NRG1: variants seen among roughly 807,000 people sequenced by gnomAD.
The protein encoded by NRG1 is neuregulin 1.
A neutral mutation model predicts 63.8 loss-of-function variants in NRG1; 18 were observed. The observed-to-expected ratio is 0.28, with a 90% CI of 0.19 to 0.42. The LOEUF is 0.42. Among genes scored for constraint, NRG1 ranks in the 10% least tolerant of loss-of-function variants. The pLI, the probability that NRG1 is intolerant of heterozygous loss-of-function variation, is 1.00. For synonymous variants in NRG1, 302 were observed against 301.3 expected, an observed-to-expected ratio of 1.00 and a Z score of -0.02; for missense variants, 762 against 814.7, an observed-to-expected ratio of 0.94 and a Z score of 0.79.
At chr8:32,424,161 C>T (rs1355380070) in intron 1 of NRG1, among the ~76,000 whole-genome samples, 1 of 152,110 alleles carries the variant, frequency 6.6e-6, no homozygotes, top group East Asian at 1.9e-4. Flanking sequence ...TTGGGTTTCT[C>T]AGACTCTTCT....
intron 5 of NRG1, among the ~76,000 whole-genome samples, chr8:32,640,543 A>G (rs1209288423): frequency 3.3e-5 from 5 of 151,188 alleles, no homozygotes; most frequent in Admixed American, 1.3e-4. Context: ...CACAGATAAT[A>G]CAGGAAGACT....
chr8:32,500,423 C>G (rs891971326), intron 1 of NRG1, among the ~76,000 whole-genome samples: 6 of 152,142 alleles, frequency 3.9e-5, no homozygotes, highest in Admixed American at 3.9e-4. Context: ...AAACCAGATA[C>G]GAGTCTTACT....
At chr8:31,783,814 G>A (rs914982399) in intron 1 of NRG1, among the ~76,000 whole-genome samples, 21 of 152,086 alleles carry the variant, frequency 1.4e-4, no homozygotes, top group African/African-American at 4.8e-4. Context: ...AGAAGGCCTC[G>A]CATGGTATGG....
chr8:31,742,455 A>ATTTTTTTTTTTTTTTTTTTT lies in NRG1; in HGVS notation c.37+103031_37+103050dup, dbSNP rs36040084. Among the ~76,000 whole-genome samples the ATTTTTTTTTTTTTTTTTTTT allele has an allele frequency of 1.2e-3, 94 of 80,020 alleles. 5 individuals carry two copies. The highest frequency in any genetic ancestry group is 1.6e-3 in the Non-Finnish European group (68 of 43,022). The allele number at this position is 80,020 out of a possible 152,430, so 52.5% of individuals were successfully genotyped here. A position where few individuals can be genotyped will look rare whatever the true frequency, so the allele number is the denominator to read the frequency against. ...GCAACGACAGACAACTTTTTTAAGA[A>ATTTTTTTTTTTTTTTTTTTT]TTTTTTTTTTTTTTTTTTTTTTTTT... On this transcript the variant is annotated intron_variant, in intron 1 of 10. Transcript: ENST00000519301.
chr8:32,278,294 A>G (rs1424514274), intron 1 of NRG1, among the ~76,000 whole-genome samples: 1 of 152,218 alleles, frequency 6.6e-6, no homozygotes, highest in Non-Finnish European at 1.5e-5. Context: ...GCAACAGAAT[A>G]AGTAAGTGAA....
chr8:31,858,994 A>T (rs1828216643), intron 1 of NRG1, among the ~76,000 whole-genome samples: 2 of 152,184 alleles, frequency 1.3e-5, no homozygotes, highest in Non-Finnish European at 2.9e-5. Flanking sequence ...TCAAATCCTG[A>T]AGTATAGATT....
At chr8:32,485,589 G>A (rs960285619) in intron 1 of NRG1, among the ~76,000 whole-genome samples, 4 of 152,086 alleles carry the variant, frequency 2.6e-5, no homozygotes, top group Non-Finnish European at 4.4e-5. Flanking sequence ...CACTCAAGAA[G>A]GAAGGAAGGA....
chr8:32,360,022 C>T (rs1239222805), intron 1 of NRG1, among the ~76,000 whole-genome samples: 7 of 152,184 alleles, frequency 4.6e-5, no homozygotes, highest in Non-Finnish European at 2.9e-5. Context: ...GTAAGGTAAC[C>T]AGGAGACTAA....
chr8:31,855,981 T>C (rs367858093), intron 1 of NRG1, among the ~76,000 whole-genome samples: 25,451 of 145,254 alleles, frequency 0.18, 2,227 homozygotes, highest in Non-Finnish European at 0.19. Context: ...CCGAGAGATC[T>C]GCTGTTAGTC....
At chr8:32,723,687 TCA>T (rs1564031081) in intron 5 of NRG1, among the ~76,000 whole-genome samples, 1 of 40,650 alleles carries the variant, frequency 2.5e-5, no homozygotes, top group Non-Finnish European at 4.0e-5. Flanking sequence ...AGACTCCATC[TCA>T]AAAAAAAAAA....
At chr8:31,791,368 A>G (rs1820693710) in intron 1 of NRG1, among the ~76,000 whole-genome samples, 1 of 152,150 alleles carries the variant, frequency 6.6e-6, no homozygotes, top group Non-Finnish European at 1.5e-5. Context: ...ATTAATAAAT[A>G]ATTATCACTA....
chr8:32,585,625 A>G (rs1399973034), intron 1 of NRG1, among the ~76,000 whole-genome samples: 1 of 152,222 alleles, frequency 6.6e-6, no homozygotes, highest in African/African-American at 2.4e-5. Flanking sequence ...GGCATTTGGC[A>G]TATGACAGAT....
At chr8:31,791,284 C>G (rs910723032) in intron 1 of NRG1, among the ~76,000 whole-genome samples, 1 of 151,654 alleles carries the variant, frequency 6.6e-6, no homozygotes, top group African/African-American at 2.4e-5. Context: ...CAACTCAGAT[C>G]AGTTGATAGT....
intron 1 of NRG1, among the ~76,000 whole-genome samples, chr8:31,643,020 G>A (rs1481877028): frequency 2.0e-5 from 3 of 152,090 alleles, no homozygotes; most frequent in Admixed American, 6.6e-5. Flanking sequence ...ATGAATGAAT[G>A]TGTGAATTCA....
intron 1 of NRG1, among the ~76,000 whole-genome samples, chr8:31,839,256 C>T (rs1184317274): frequency 2.0e-5 from 3 of 152,152 alleles, no homozygotes; most frequent in African/African-American, 7.2e-5. Context: ...ATAAAAACCC[C>T]AGTGGTCCCT....
At chr8:32,432,925 G>A (rs779454232) in intron 1 of NRG1, among the ~76,000 whole-genome samples, 1 of 152,164 alleles carries the variant, frequency 6.6e-6, no homozygotes, top group South Asian at 2.1e-4. Context: ...ATTAAATTTA[G>A]TTTACCATTA....
intron 5 of NRG1, among the ~76,000 whole-genome samples, chr8:32,632,489 C>T (rs1763568754): frequency 7.1e-6 from 1 of 141,186 alleles, no homozygotes; most frequent in East Asian, 2.2e-4. Context: ...GCAGAGGTTG[C>T]GGTGAGCTGA....
At chr8:32,576,058 G>A (rs1839570229) in intron 1 of NRG1, among the ~76,000 whole-genome samples, 1 of 152,094 alleles carries the variant, frequency 6.6e-6, no homozygotes, top group Admixed American at 6.5e-5. Context: ...TTTGAAATAT[G>A]CATACACTGT....
At chr8:31,722,652 G>A (rs554237961) in intron 1 of NRG1, among the ~76,000 whole-genome samples, 1 of 152,076 alleles carries the variant, frequency 6.6e-6, no homozygotes, top group South Asian at 2.1e-4. Flanking sequence ...CTTATATATT[G>A]ACTCTCAAAC....
Sources: gnomAD v4.1 joint callset for allele counts (sites outside exome capture counted in the v4.1 genomes callset) on GRCh38, gnomAD v4.1.1 for gene constraint, MANE v1.5 for transcripts, NCBI Gene and HGNC (gene_info 2026-07-23, HGNC 2026-07-21) for gene names.